RAB33A: variants seen among roughly 807,000 people sequenced by gnomAD.
The protein encoded by RAB33A is ras-related protein Rab-33A.
RAB33A carries 6 observed loss-of-function variants against 12.0 expected under a neutral mutation model. The observed-to-expected ratio is 0.50, with a 90% CI of 0.27 to 0.99. RAB33A has a LOEUF of 0.99. Ranked by LOEUF, RAB33A falls within the 50% of genes least tolerant of loss-of-function variation. The pLI is 0.11. For missense variants in RAB33A, 109 were observed against 192.0 expected, an observed-to-expected ratio of 0.57 and a Z score of 2.55; for synonymous variants, 70 against 82.4, an observed-to-expected ratio of 0.85 and a Z score of 0.81.
chrX:130,111,929 G>T, the RAB33A span, among the ~76,000 whole-genome samples: 1 of 111,578 alleles, frequency 9.0e-6, no homozygotes, highest in Non-Finnish European at 1.9e-5. Context: ...GCCTTTTTGG[G>T]GGTGGGGGCA....
chrX:130,182,158 ATAT>A (rs1365278773), intron 1 of RAB33A, among the ~76,000 whole-genome samples: 22 of 42,869 alleles, frequency 5.1e-4, no homozygotes, highest in South Asian at 1.6e-3. Context: ...AAAAAAAAAA[ATAT>A]ATATATATAT....
the RAB33A span, chrX:130,165,732 C>A: frequency 2.4e-6 from 2 of 840,861 alleles, no homozygotes; most frequent in Non-Finnish European, 3.5e-6. Flanking sequence ...ACCGTGAGCC[C>A]CGGCCAGCTC....
At chrX:130,112,428 CTT>C in the RAB33A span, among the ~76,000 whole-genome samples, 1 of 112,269 alleles carries the variant, frequency 8.9e-6, no homozygotes, top group African/African-American at 3.2e-5. Context: ...CACACACACA[CTT>C]TCCCATTTTG....
the RAB33A span, chrX:130,136,652 G>A: frequency 1.7e-6 from 2 of 1,209,433 alleles, no homozygotes; most frequent in Non-Finnish European, 2.2e-6. Flanking sequence ...CCTTCCTGCC[G>A]TCTTTCAGCT....
At chrX:130,137,824 T>C in the RAB33A span, 1 of 814,171 alleles carries the variant, frequency 1.2e-6, no homozygotes, top group Non-Finnish European at 1.5e-6. Flanking sequence ...GCACTTTGGG[T>C]GGCCGAGGTG....
At chrX:130,169,896 G>A (rs2031587475), upstream of RAB33A, among the ~76,000 whole-genome samples, 1 of 112,173 alleles carries the variant, frequency 8.9e-6, no homozygotes, top group South Asian at 3.7e-4. Flanking sequence ...CCACCTTAAA[G>A]CTATTCTGTA....
the RAB33A span, chrX:130,165,594 C>T: frequency 1.2e-4 from 147 of 1,203,053 alleles, no homozygotes; most frequent in Non-Finnish European, 1.6e-4. Context: ...CGCACACGGT[C>T]CGCACCAAGG....
the RAB33A span, among the ~76,000 whole-genome samples, chrX:130,113,715 C>A: frequency 1.8e-4 from 20 of 111,889 alleles, no homozygotes; most frequent in African/African-American, 6.2e-4. Context: ...TGAGCCACCG[C>A]GCCTGGCCCT....
chrX:130,117,411 G>T, the RAB33A span, among the ~76,000 whole-genome samples: 1 of 111,494 alleles, frequency 9.0e-6, no homozygotes, highest in East Asian at 2.8e-4. Context: ...CCCTGAGCGT[G>T]GTGGCTGCTG....
chrX:130,177,066 G>C (rs753343212), intron 1 of RAB33A, among the ~76,000 whole-genome samples: 1 of 112,406 alleles, frequency 8.9e-6, no homozygotes, highest in South Asian at 3.7e-4. Flanking sequence ...ATATCTCTTT[G>C]GCAGTTCCCC....
At chrX:130,160,893 A>C in the RAB33A span, among the ~76,000 whole-genome samples, 1 of 108,892 alleles carries the variant, frequency 9.2e-6, no homozygotes, top group African/African-American at 3.3e-5. Context: ...AAAATAAATA[A>C]ATAAATAAAT....
At chrX:130,131,517 A>G in the RAB33A span, among the ~76,000 whole-genome samples, 1 of 111,875 alleles carries the variant, frequency 8.9e-6, no homozygotes, top group Non-Finnish European at 1.9e-5. Context: ...TCAGACCACT[A>G]AAGAGTGAGG....
chrX:130,155,332 T>C, the RAB33A span: 1 of 1,183,177 alleles, frequency 8.5e-7, no homozygotes, highest in Non-Finnish European at 1.1e-6. Flanking sequence ...GGAAACAGAG[T>C]ACTAAGTATT....
chrX:130,122,852 A>G, the RAB33A span, among the ~76,000 whole-genome samples: 52 of 111,815 alleles, frequency 4.7e-4, no homozygotes, highest in African/African-American at 1.7e-3. Flanking sequence ...GTTTCATGGA[A>G]CCCAGTTTCG....
chrX:130,144,497 C>T, the RAB33A span, among the ~76,000 whole-genome samples: 1 of 111,723 alleles, frequency 9.0e-6, no homozygotes, highest in Non-Finnish European at 1.9e-5. Context: ...ACCAAACATG[C>T]TTTTTTGTGC....
the RAB33A span, among the ~76,000 whole-genome samples, chrX:130,121,540 C>G: frequency 8.9e-6 from 1 of 112,220 alleles, no homozygotes; most frequent in South Asian, 3.6e-4. Flanking sequence ...TTTCTGCTCC[C>G]GCCTCCCCTC....
the RAB33A span, among the ~76,000 whole-genome samples, chrX:130,130,652 G>C: frequency 1.8e-5 from 2 of 112,779 alleles, no homozygotes; most frequent in African/African-American, 6.4e-5. Flanking sequence ...CATGTGGCTG[G>C]TGGCTAACGT....
chrX:130,123,451 T>A, the RAB33A span, among the ~76,000 whole-genome samples: 2 of 110,616 alleles, frequency 1.8e-5, no homozygotes. Flanking sequence ...ATCCCAACAC[T>A]GTGGGAGGCC....
chrX:130,117,040 T>C, the RAB33A span, among the ~76,000 whole-genome samples: 1,139 of 111,617 alleles, frequency 0.01, 9 homozygotes, highest in Non-Finnish European at 0.015. Context: ...GGTGAAACCC[T>C]GTCTCTATTA....
Sources: allele counts gnomAD v4.1 joint callset (sites outside exome capture counted in the v4.1 genomes callset), GRCh38; gene constraint gnomAD v4.1.1; transcripts MANE v1.5; gene names NCBI Gene and HGNC (gene_info 2026-07-23, HGNC 2026-07-21).